The following PBX4 variants were observed in gnomAD, a reference collection of about 807,000 sequenced individuals.
The protein encoded by PBX4 is PBX homeobox 4.
PBX4 carries 26 observed loss-of-function variants against 35.1 expected under a neutral mutation model. The ratio of observed to expected loss-of-function variants is 0.74; its 90% CI spans 0.54 to 1.03. PBX4 has a LOEUF of 1.03. Among genes scored for constraint, PBX4 ranks in the 50% least tolerant of loss-of-function variants. The pLI, the probability that PBX4 is intolerant of heterozygous loss-of-function variation, is 0.00. For missense variants in PBX4, 448 were observed against 504.3 expected (o/e 0.89, Z 1.07); for synonymous variants, 199 against 204.2 (o/e 0.97, Z 0.22).
intron 1 of PBX4, among the ~76,000 whole-genome samples, chr19:19,602,300 T>G (rs922621784): frequency 6.6e-6 from 1 of 152,088 alleles, no homozygotes; most frequent in African/African-American, 2.4e-5. Flanking sequence ...ATGAAGGTCA[T>G]AGGTGACTCA....
rs200567949 is a variant in PBX4 at position 19,585,055 on chromosome 19, CA to C, written c.194-14223del. 8.8e-3 allele frequency among the ~76,000 whole-genome samples: 1,345 copies of C among 152,198 alleles called. 24 individuals carry two copies. The highest frequency in any genetic ancestry group is 0.031 in the African/African-American group (1,291 of 41,512). ...TGGCTTTACCTTTTAGGCCACATCC[CA>C]CAGGTTAGTTCATTTAAGTAACATT... On this transcript the variant is annotated intron_variant, in intron 2 of 7. Coordinates refer to ENST00000251203, the MANE Select transcript of PBX4 (RefSeq NM_025245.3).
At chr19:19,606,426 T>C (rs1342263625) in intron 1 of PBX4, 2 of 152,262 alleles carry the variant, frequency 1.3e-5, no homozygotes, top group African/African-American at 2.4e-5. Flanking sequence ...GAGAACCCCA[T>C]GCTCTGGATA....
At chr19:19,604,139 G>A (rs564594246) in intron 1 of PBX4, among the ~76,000 whole-genome samples, 1 of 152,038 alleles carries the variant, frequency 6.6e-6, no homozygotes, top group Non-Finnish European at 1.5e-5. Context: ...TAATGTATCT[G>A]AAAATCAATA....
rs550215124 is a variant in PBX4, at chr19:19,566,768, T to C, written c.769-1679A>G. 2.9e-4 allele frequency among the ~76,000 whole-genome samples: 43 copies of C among 146,086 alleles called. 1 individual carries two copies. The highest frequency in any genetic ancestry group is 6.5e-4 in the South Asian group (3 of 4,626). ...ACCCAGGCTGGAGTGTGGAGTGCAG[T>C]GGTGCGACCTCAACTCACTGCAACC... On this transcript the variant is annotated intron_variant, in intron 5 of 7. Transcript: ENST00000251203.
At chr19:19,600,203 T>C (rs1026580351) in intron 1 of PBX4, among the ~76,000 whole-genome samples, 13 of 151,976 alleles carry the variant, frequency 8.6e-5, no homozygotes, top group African/African-American at 3.1e-4. Flanking sequence ...TCCCACTATA[T>C]GCAAAAGTTT....
chr19:19,601,807 C>A (rs2061598902), intron 1 of PBX4, among the ~76,000 whole-genome samples: 1 of 152,158 alleles, frequency 6.6e-6, no homozygotes, highest in Non-Finnish European at 1.5e-5. Flanking sequence ...CACTGGGCAA[C>A]ACCTTGATTT....
intron 1 of PBX4, among the ~76,000 whole-genome samples, chr19:19,615,196 G>A (rs111271314): frequency 7.6e-4 from 103 of 134,662 alleles, no homozygotes; most frequent in South Asian, 2.0e-3. Context: ...AAAAAAGAAA[G>A]ATTAGCCAGG....
chr19:19,589,195 G>A (rs775329158), intron 2 of PBX4, among the ~76,000 whole-genome samples: 4 of 152,076 alleles, frequency 2.6e-5, no homozygotes, highest in Admixed American at 1.3e-4. Flanking sequence ...TTGAGAGGTC[G>A]AGGCCGGCGG....
At chr19:19,565,913 T>C (rs2061338860) in intron 5 of PBX4, among the ~76,000 whole-genome samples, 1 of 151,422 alleles carries the variant, frequency 6.6e-6, no homozygotes, top group Non-Finnish European at 1.5e-5. Context: ...AGACCCTGTC[T>C]CAGAAAAAAA....
intron 1 of PBX4, among the ~76,000 whole-genome samples, chr19:19,614,342 A>C (rs1265549942): frequency 6.6e-6 from 1 of 151,444 alleles, no homozygotes; most frequent in South Asian, 2.1e-4. Context: ...AAAAACAAAC[A>C]AACAAACATG....
chr19:19,602,170 C>T (rs774164313), intron 1 of PBX4, among the ~76,000 whole-genome samples: 23 of 152,078 alleles, frequency 1.5e-4, no homozygotes, highest in Non-Finnish European at 2.8e-4. Flanking sequence ...CGGTAGCTCA[C>T]GCCTGTAATC....
At chr19:19,588,270 A>G in intron 2 of PBX4, 2 of 1,200,594 alleles carry the variant, frequency 1.7e-6, no homozygotes, top group Non-Finnish European at 2.5e-6. Context: ...ATCCATAGTT[A>G]CATTCATCAC....
intron 1 of PBX4, among the ~76,000 whole-genome samples, chr19:19,609,015 C>G (rs10417097): frequency 0.45 from 68,375 of 152,034 alleles, 15,815 homozygotes; most frequent in African/African-American, 0.55. Flanking sequence ...ATTTAATTTG[C>G]GAGAATGTAC....
rs904905703 is a variant in PBX4 at position 19,611,577 on chromosome 19, G to A, written c.119+6934C>T. 2.8e-4 allele frequency among the ~76,000 whole-genome samples: 42 copies of A among 151,568 alleles called. 1 individual carries two copies. Among genetic ancestry groups the A allele is most frequent in the Non-Finnish European group, 5.9e-5 (4 of 67,956 alleles). ...GCCTGTAATCCCAGCTACTTGGGAG[G>A]CTGAGGCAGGAGAATCACTTGAACC... On this transcript the variant is annotated intron_variant, in intron 1 of 7. Transcript: ENST00000251203.
chr19:19,562,417 G>A lies in PBX4; in HGVS notation c.1033-300C>T, dbSNP rs1447633540. On this transcript the variant is annotated intron_variant, in intron 7 of 7. Transcript: ENST00000251203. This position sits in a 1 kb window ranked among gnomAD's most constrained non-coding sequence, Gnocchi z 4.8. ...TCGGGTACAACAAGGGCTCCTGCCCGGCGAGGGGCAGGGAGGCAAGGTCAG... is the reference window on the plus strand; with the variant it reads ...TCGGGTACAACAAGGGCTCCTGCCCAGCGAGGGGCAGGGAGGCAAGGTCAG... Among the ~76,000 whole-genome samples the A allele has an allele frequency of 1.3e-5, 2 of 152,152 alleles. No homozygotes were observed. Among genetic ancestry groups the A allele is most frequent in the Admixed American group, 6.5e-5 (1 of 15,280 alleles).
chr19:19,603,122 A>C (rs2061608002), intron 1 of PBX4, among the ~76,000 whole-genome samples: 1 of 152,066 alleles, frequency 6.6e-6, no homozygotes. Context: ...ACTGTCGCCC[A>C]CTGACCCAGG....
rs2061371294 is a variant in PBX4 at position 19,570,090 on chromosome 19, G to A, written c.632+19C>T. The A allele has an allele frequency of 6.4e-7, 1 of 1,566,024 alleles. No homozygotes were observed. The highest frequency in any genetic ancestry group is 8.7e-7 in the Non-Finnish European group (1 of 1,153,030). On this transcript the variant is annotated intron_variant, in intron 4 of 7. Transcript: ENST00000251203. The stretch of plus-strand genomic sequence containing the variant: ...CTCAGAGCCGGCCCTTGAGGTTTTG[G>A]GTACGTACAGGCCCTGACCTGGCAT...
At chr19:19,612,231 C>T (rs926422798) in intron 1 of PBX4, among the ~76,000 whole-genome samples, 1 of 152,052 alleles carries the variant, frequency 6.6e-6, no homozygotes, top group African/African-American at 2.4e-5. Flanking sequence ...GAACTGAGAT[C>T]GCACCACTGT....
Position 19,570,595 on chromosome 19 carries a change from T to A in PBX4, c.432A>T (p.Lys144Asn). ...CATGCAGAAAGATCACCTGTTCATA[T>A]TTCTCTAGCTCAGAGTGGTAAATCT... ...IRQIYHSELE[K>N]YEQACREFTT... The change falls in exon 3 of 8, where the codon AAA (lysine) becomes AAT (asparagine). Residue 144 changes from lysine to asparagine, a missense_variant. By Grantham distance (94) the Lys-to-Asn change is moderately conservative. Coordinates refer to ENST00000251203, the MANE Select transcript of PBX4 (RefSeq NM_025245.3). 1.2e-6 allele frequency: 2 copies of A among 1,613,702 alleles called. No homozygotes were observed. Among genetic ancestry groups the A allele is most frequent in the Non-Finnish European group, 1.7e-6 (2 of 1,179,646 alleles).
Sources: gnomAD v4.1 joint callset for allele counts (sites outside exome capture counted in the v4.1 genomes callset) on GRCh38, gnomAD v4.1.1 for gene constraint, Gnocchi (gnomAD v3.1) non-coding constraint, MANE v1.5 for transcripts, NCBI Gene and HGNC (gene_info 2026-07-23, HGNC 2026-07-21) for gene names.